The following RABGAP1L variants were observed in gnomAD, a reference collection of about 807,000 sequenced individuals.
RABGAP1L encodes rab GTPase-activating protein 1-like.
RABGAP1L carries 63 observed loss-of-function variants against 137.7 expected under a neutral mutation model. The observed-to-expected ratio is 0.46, with a 90% CI of 0.37 to 0.56. The LOEUF (loss-of-function observed/expected upper bound fraction) is 0.56, where lower values mean the gene tolerates loss of function less well. RABGAP1L is among the 20% of genes least tolerant of loss of function. The pLI is 0.00. For synonymous variants in RABGAP1L, 431 were observed against 433.7 expected, an observed-to-expected ratio of 0.99 and a Z score of 0.08; for missense variants, 1,095 against 1,244.0, an observed-to-expected ratio of 0.88 and a Z score of 1.80.
At chr1:174,396,146 T>C (rs753185376) in intron 13 of RABGAP1L, among the ~76,000 whole-genome samples, 3 of 152,136 alleles carry the variant, frequency 2.0e-5, no homozygotes, top group Non-Finnish European at 2.9e-5. Context: ...AGTAGACTAA[T>C]AGTTGCCAGG....
At chr1:174,478,579 TG>T (rs1424623737) in intron 13 of RABGAP1L, among the ~76,000 whole-genome samples, 1 of 152,146 alleles carries the variant, frequency 6.6e-6, no homozygotes. Context: ...CATTCAGCCT[TG>T]GTTTTCAAAT....
intron 3 of RABGAP1L, among the ~76,000 whole-genome samples, chr1:174,230,851 T>C (rs566649231): frequency 6.6e-6 from 1 of 152,284 alleles, no homozygotes; most frequent in Admixed American, 6.5e-5. Flanking sequence ...TTTTTTAATA[T>C]AAAGCTTAAA....
intron 11 of RABGAP1L, among the ~76,000 whole-genome samples, chr1:174,361,354 T>G (rs1266606908): frequency 6.6e-6 from 1 of 152,012 alleles, no homozygotes; most frequent in Non-Finnish European, 1.5e-5. Context: ...TTACATTGAA[T>G]CTGTAGATTG....
chr1:174,735,793 A>G (rs1348432529), intron 17 of RABGAP1L, among the ~76,000 whole-genome samples: 2 of 152,102 alleles, frequency 1.3e-5, no homozygotes, highest in Non-Finnish European at 2.9e-5. Flanking sequence ...GCAGCATATT[A>G]TATGGCAAGG....
chr1:174,937,505 C>T (rs2149278799), intron 19 of RABGAP1L, among the ~76,000 whole-genome samples: 1 of 150,218 alleles, frequency 6.7e-6, no homozygotes, highest in South Asian at 2.1e-4. Flanking sequence ...AGGCTGGTCT[C>T]AAACTCCTAA....
Position 174,590,463 on chromosome 1 carries a change from T to C in RABGAP1L, c.1711-46912T>C, listed in dbSNP as rs1669530648. Among the ~76,000 whole-genome samples, 3 of 110,188 alleles carry C rather than the reference T, an allele frequency of 2.7e-5. No individual in the cohort carries two copies. In the Admixed American group the frequency reaches 2.8e-4, roughly 10 times the overall value. The allele number at this position is 110,188 out of a possible 152,430, so 72.3% of individuals were successfully genotyped here. A position where few individuals can be genotyped will look rare whatever the true frequency, so the allele number is the denominator to read the frequency against. On this transcript the variant is annotated intron_variant, in intron 13 of 25. Coordinates refer to ENST00000681986, the MANE Select transcript of RABGAP1L (RefSeq NM_001366446.1). Reference sequence around the variant, plus strand: ...GCGCTGCACCCACTAACGTGTCATCTAGCATTAGGTATATCTCCCAATGCT... The same window carrying C: ...GCGCTGCACCCACTAACGTGTCATCCAGCATTAGGTATATCTCCCAATGCT...
intron 10 of RABGAP1L, among the ~76,000 whole-genome samples, chr1:174,286,573 CT>C (rs1281808956): frequency 6.6e-6 from 1 of 151,926 alleles, no homozygotes; most frequent in Non-Finnish European, 1.5e-5. Flanking sequence ...CTGCTCCAGT[CT>C]TTACTATTTT....
chr1:174,273,092 G>T (rs1251996652), intron 8 of RABGAP1L, among the ~76,000 whole-genome samples: 1 of 151,938 alleles, frequency 6.6e-6, no homozygotes, highest in African/African-American at 2.4e-5. Flanking sequence ...ATTTGGAGAC[G>T]TTATAGGAAA....
At chr1:174,228,779 C>T (rs1670392862) in intron 3 of RABGAP1L, among the ~76,000 whole-genome samples, 1 of 152,098 alleles carries the variant, frequency 6.6e-6, no homozygotes, top group Non-Finnish European at 1.5e-5. Flanking sequence ...AAATCCTATC[C>T]TACAAGAGGA....
At chr1:174,752,898 T>G (rs1254109364) in intron 18 of RABGAP1L, among the ~76,000 whole-genome samples, 1 of 152,216 alleles carries the variant, frequency 6.6e-6, no homozygotes, top group Admixed American at 6.5e-5. Flanking sequence ...GCTTTAATAA[T>G]GTGGTAACTG....
chr1:174,526,535 T>C (rs1214725382), intron 13 of RABGAP1L, among the ~76,000 whole-genome samples: 1 of 152,202 alleles, frequency 6.6e-6, no homozygotes, highest in Non-Finnish European at 1.5e-5. Flanking sequence ...TTTTCAGGTT[T>C]TCTGTTTCTT....
rs985560540 is a variant in RABGAP1L at position 174,596,319 on chromosome 1, G to C, written c.1711-41056G>C. Among the ~76,000 whole-genome samples, 26 of 151,950 alleles carry C rather than the reference G, an allele frequency of 1.7e-4. No individual in the cohort carries two copies. The South Asian group carries it at 4.4e-3, about 26-fold the overall frequency. On this transcript the variant is annotated intron_variant, in intron 13 of 25. Coordinates refer to ENST00000681986, the MANE Select transcript of RABGAP1L (RefSeq NM_001366446.1). ...TGCAGAAATCACCCGTCTTCTGCGTGGCTCACGCTGGGAGCTGTAGACCGG... is the reference window on the plus strand; with the variant it reads ...TGCAGAAATCACCCGTCTTCTGCGTCGCTCACGCTGGGAGCTGTAGACCGG...
intron 1 of RABGAP1L, among the ~76,000 whole-genome samples, chr1:174,198,286 A>T (rs1374642754): frequency 6.6e-6 from 1 of 152,204 alleles, no homozygotes; most frequent in Non-Finnish European, 1.5e-5. Context: ...GATCTTGTTT[A>T]TAATATACAG....
Position 174,778,755 on chromosome 1 carries a change from C to T in RABGAP1L, c.2211+26401C>T, listed in dbSNP as rs559123993. 7.2e-5 allele frequency among the ~76,000 whole-genome samples: 11 copies of T among 152,044 alleles called. No individual in the cohort carries two copies. The East Asian group carries it at 1.4e-3, about 19-fold the overall frequency. ...AATTACAGGTGCCTGCCACCATGCC[C>T]GGCTAATTTTTTGTATTTTTAGTAG... On this transcript the variant is annotated intron_variant, in intron 18 of 25. Coordinates refer to ENST00000681986, the MANE Select transcript of RABGAP1L (RefSeq NM_001366446.1).
intron 11 of RABGAP1L, among the ~76,000 whole-genome samples, chr1:174,311,429 A>G (rs772947477): frequency 5.3e-5 from 8 of 152,098 alleles, no homozygotes; most frequent in Non-Finnish European, 8.8e-5. Context: ...TGGGTGGGGG[A>G]TGCAAAGCCT....
At chr1:174,855,703 T>G (rs910511715) in intron 19 of RABGAP1L, among the ~76,000 whole-genome samples, 1 of 152,202 alleles carries the variant, frequency 6.6e-6, no homozygotes, top group African/African-American at 2.4e-5. Context: ...TTAAAGCAGG[T>G]TTTTGAAAAG....
intron 10 of RABGAP1L, among the ~76,000 whole-genome samples, chr1:174,292,578 T>C (rs1676734885): frequency 6.6e-6 from 1 of 152,086 alleles, no homozygotes; most frequent in Non-Finnish European, 1.5e-5. Flanking sequence ...TTTTTGCTAT[T>C]GACTTCTGAT....
chr1:174,550,971 CAT>C (rs1491471017), intron 13 of RABGAP1L, among the ~76,000 whole-genome samples: 1 of 79,522 alleles, frequency 1.3e-5, no homozygotes, highest in Non-Finnish European at 2.1e-5. Flanking sequence ...CATATATATA[CAT>C]GTATATATAC....
intron 14 of RABGAP1L, 102 bp downstream of exon 14, chr1:174,637,590 T>A: frequency 1.2e-6 from 1 of 818,774 alleles, no homozygotes; most frequent in Non-Finnish European, 2.0e-6. Flanking sequence ...TTATTTGCAC[T>A]ATGCCATGTT....
Sources: allele counts gnomAD v4.1 joint callset (sites outside exome capture counted in the v4.1 genomes callset), GRCh38; gene constraint gnomAD v4.1.1; transcripts MANE v1.5; gene names NCBI Gene and HGNC (gene_info 2026-07-23, HGNC 2026-07-21).